Variants in SLC7A3 observed in about 807,000 individuals in gnomAD.
SLC7A3 encodes solute carrier family 7 member 3.
SLC7A3 carries 3 observed loss-of-function variants against 33.2 expected under a neutral mutation model. That is an observed-to-expected ratio of 0.09 (90% CI 0.04 to 0.23). The LOEUF is 0.23. Among genes scored for constraint, SLC7A3 ranks in the 10% least tolerant of loss-of-function variants. The pLI is 1.00. For synonymous variants in SLC7A3, 193 were observed against 195.1 expected, an observed-to-expected ratio of 0.99 and a Z score of 0.09; for missense variants, 360 against 488.8, an observed-to-expected ratio of 0.74 and a Z score of 2.48.
At position 70,926,718 on chromosome X, in the gene SLC7A3, T is replaced by A. The variant is rs749146450; in HGVS notation, c.1454-25A>T. The A allele has an allele frequency of 2.6e-6, 3 of 1,175,319 alleles. No individual in the cohort carries two copies. In the African/African-American group the frequency reaches 5.4e-5, roughly 21 times the overall value. ...GCTTCAAAGGTCAAGTTGAGAGACA[T>A]CAAAACCAACTCTTAAGACCAACAT... On this transcript the variant is annotated intron_variant, in intron 9 of 11. Transcript: ENST00000374299.
rs2091906878 is a variant in SLC7A3, at chrX:70,929,897, G to A, written c.101C>T (p.Thr34Ile). Residue 34 changes from threonine to isoleucine, a missense_variant, in exon 2 of 12, where the codon ACC (threonine) becomes ATC (isoleucine). Coordinates refer to ENST00000374299, the MANE Select transcript of SLC7A3 (RefSeq NM_032803.6). Reference sequence around the variant, plus strand: ...CACACCCAGGGCCACTAAATCCAGGGTGCTTAGGCATCTGGCAAGGCGAGT... The same window carrying A: ...CACACCCAGGGCCACTAAATCCAGGATGCTTAGGCATCTGGCAAGGCGAGT... ...AETRLARCLS[T>I]LDLVALGVGS... 8.3e-7 allele frequency: 1 copy of A among 1,210,381 alleles called. No homozygotes were observed. Among genetic ancestry groups the A allele is most frequent in the African/African-American group, 1.7e-5 (1 of 57,307 alleles).
intron 8 of SLC7A3, 84 bp downstream of exon 8, chrX:70,927,198 G>A (rs1014983950): frequency 1.5e-5 from 16 of 1,086,526 alleles, no homozygotes; most frequent in South Asian, 6.1e-5. Flanking sequence ...TAATGAAGGC[G>A]AAGGAGGAAA....
rs1181010498 is a variant in SLC7A3 at position 70,928,268 on chromosome X, A to G, written c.708-11T>C. 1 of 1,195,861 alleles carries G rather than the reference A, an allele frequency of 8.4e-7. No individual in the cohort carries two copies. Among genetic ancestry groups the G allele is most frequent in the Non-Finnish European group, 1.1e-6 (1 of 881,644 alleles). On this transcript the variant is annotated splice_polypyrimidine_tract_variant and intron_variant, in intron 4 of 11. Coordinates refer to ENST00000374299, the MANE Select transcript of SLC7A3 (RefSeq NM_032803.6). ...CCCAGAGGACCCAAGCTAGAGTGGAAGAAGGGTTGGAGAAGGTAAGGGTGT... is the reference window on the plus strand; with the variant it reads ...CCCAGAGGACCCAAGCTAGAGTGGAGGAAGGGTTGGAGAAGGTAAGGGTGT...
intron 1 of SLC7A3, among the ~76,000 whole-genome samples, chrX:70,930,248 G>C (rs1299326683): frequency 8.9e-6 from 1 of 111,962 alleles, no homozygotes; most frequent in Non-Finnish European, 1.9e-5. Context: ...TTCAGAAATG[G>C]CACGTGAAAG....
rs749805668 is a variant in SLC7A3 at position 70,929,992 on chromosome X, C to A, written c.6G>T (p.Pro2=). 33 of 1,194,879 alleles carry A rather than the reference C, an allele frequency of 2.8e-5. No homozygotes were observed. Among genetic ancestry groups the A allele is most frequent in the Non-Finnish European group, 3.7e-5 (33 of 885,273 alleles). M[P]WQAFRRFGQK... is the part of the protein sequence containing the mutation. ...GACCAAATCTGCGAAATGCTTGCCA[C>A]GGCATCCTAGCAGGAATTGAAGAAG... is the stretch of plus-strand genomic sequence containing the variant. Residue 2 remains proline, a synonymous_variant, in exon 2 of 12, where the codon CCG becomes CCT. Transcript: ENST00000374299.
rs1157573190 is a variant in SLC7A3, at chrX:70,926,123, A to G, written c.1676T>C (p.Met559Thr). ...CCAGGTACCAGCTGTCATCTGCATCATAAGGTAAATATTCACAAAGATGCT... is the reference window on the plus strand; with the variant it reads ...CCAGGTACCAGCTGTCATCTGCATCGTAAGGTAAATATTCACAAAGATGCT... ...LMSIFVNIYL[M>T]MQMTAGTWAR... The change falls in exon 11 of 12, where the codon ATG becomes ACG. Residue 559 changes from methionine to threonine, a missense_variant. Coordinates refer to ENST00000374299, the MANE Select transcript of SLC7A3 (RefSeq NM_032803.6). 1 of 1,211,086 alleles carries G rather than the reference A, an allele frequency of 8.3e-7. No homozygotes were observed. The highest frequency in any genetic ancestry group is 1.8e-5 in the South Asian group (1 of 56,778).
chrX:70,925,984 T>G, intron 11 of SLC7A3, 41 bp from the exon 12 acceptor site: 1 of 1,209,533 alleles, frequency 8.3e-7, no homozygotes, highest in Non-Finnish European at 1.1e-6. Context: ...GTGTAAAGGC[T>G]TCATAGGTTT....
At position 70,927,609 on chromosome X, in the gene SLC7A3, A is replaced by G; in HGVS notation, c.1058T>C (p.Met353Thr). The change falls in exon 7 of 12, where the codon ATG becomes ACG. Residue 353 changes from methionine (M) to threonine (T), a missense_variant. Met to Thr is a moderately conservative substitution (Grantham distance 81). Transcript: ENST00000374299. ...GTAGATCACCCGAGGCATGGGGAAC[A>G]TGGAGCCCAGGAGGCTGGAGAGGAG... ...CALSTSLLGS[M>T]FPMPRVIYAM... 2.5e-6 allele frequency: 3 copies of G among 1,210,037 alleles called. No individual in the cohort carries two copies. The highest frequency in any genetic ancestry group is 3.4e-6 in the Non-Finnish European group (3 of 894,763).
chrX:70,929,720 C>T lies in SLC7A3; in HGVS notation c.278G>A (p.Arg93His), dbSNP rs368079498. 38 of 1,209,316 alleles carry T rather than the reference C, an allele frequency of 3.1e-5. 1 individual carries two copies. In the South Asian group the frequency reaches 5.5e-4, roughly 17 times the overall value. Residue 93 changes from arginine to histidine, a missense_variant, in exon 2 of 12, where the codon CGT becomes CAT. By Grantham distance (29) the Arg-to-His change is conservative. Transcript: ENST00000374299. ...GCTGTAGAGATATGCCGAACCAGAACGGGGAACCCGGGCACCAAACTCCGC... is the reference window on the plus strand; with the variant it reads ...GCTGTAGAGATATGCCGAACCAGAATGGGGAACCCGGGCACCAAACTCCGC... ...CYAEFGARVP[R>H]SGSAYLYSYV... is the part of the protein sequence containing the mutation.
chrX:70,929,249 C>A (rs1055337705), intron 2 of SLC7A3, among the ~76,000 whole-genome samples: 3 of 111,502 alleles, frequency 2.7e-5, no homozygotes, highest in Non-Finnish European at 5.6e-5. Flanking sequence ...AGCCACCCTG[C>A]GCGGCTAACT....
chrX:70,925,931 T>G lies in SLC7A3; in HGVS notation c.1742A>C (p.Tyr581Ser). The G allele has an allele frequency of 8.3e-7, 1 of 1,211,366 alleles. No individual in the cohort carries two copies. Among genetic ancestry groups the G allele is most frequent in the Non-Finnish European group, 1.1e-6 (1 of 895,417 alleles). The change falls in exon 12 of 12, where the codon TAC (tyrosine) becomes TCC (serine). Residue 581 changes from tyrosine (Y) to serine (S), a missense_variant. Tyr to Ser is a moderately radical substitution (Grantham distance 144). Transcript: ENST00000374299. Reference sequence around the variant, plus strand: ...GCTGTGCTGGATCCCATAGCCGAAGTAGATAGCAAAGCCTAGTGGGGAAAG... The same window carrying G: ...GCTGTGCTGGATCCCATAGCCGAAGGAGATAGCAAAGCCTAGTGGGGAAAG... ...GVWMLIGFAI[Y>S]FGYGIQHSLE...
chrX:70,929,615 C>A lies in SLC7A3; in HGVS notation c.370+13G>T. ...TGGCTGTGCAGTTCCCTCCCTCCCC[C>A]ACCATATCTCACCAATGACATAGGA... On this transcript the variant is annotated intron_variant, in intron 2 of 11. Coordinates refer to ENST00000374299, the MANE Select transcript of SLC7A3 (RefSeq NM_032803.6). 8.3e-7 allele frequency: 1 copy of A among 1,198,838 alleles called. No homozygotes were observed. The highest frequency in any genetic ancestry group is 1.1e-6 in the Non-Finnish European group (1 of 888,891).
chrX:70,926,585 A>G lies in SLC7A3; in HGVS notation c.1562T>C (p.Ile521Thr), dbSNP rs1346785186. Residue 521 changes from isoleucine to threonine, a missense_variant, in exon 10 of 12, where the codon ATT becomes ACT. Transcript: ENST00000374299. ...TCTCCAGATGACCACAATGATCCCA[A>G]TAATGAGCAGCAGGAGCAGCACAAC... ...AVVVLLLLLI[I>T]GIIVVIWRQP... 2 of 1,197,765 alleles carry G rather than the reference A, an allele frequency of 1.7e-6. No individual in the cohort carries two copies. Among genetic ancestry groups the G allele is most frequent in the African/African-American group, 1.8e-5 (1 of 56,821 alleles).
In SLC7A3 at chrX:70,926,986, C is replaced by T. The variant is rs1271709255; in HGVS notation, c.1342G>A (p.Ala448Thr). ...TGEEVELQEE[A>T]ITTESEKLTL... is the part of the protein sequence containing the mutation. ...AACTTCTCTGATTCAGTAGTTATTG[C>T]CTCCTCCTGCAACTCCACTTCTTCC... The change falls in exon 9 of 12, where the codon GCA becomes ACA. Residue 448 changes from alanine to threonine, a missense_variant. By Grantham distance (58) the Ala-to-Thr change is moderately conservative. Coordinates refer to ENST00000374299, the MANE Select transcript of SLC7A3 (RefSeq NM_032803.6). 1.7e-6 allele frequency: 2 copies of T among 1,211,038 alleles called. No homozygotes were observed. The highest frequency in any genetic ancestry group is 2.2e-6 in the Non-Finnish European group (2 of 895,264).
In SLC7A3 at chrX:70,925,730, C is replaced by A; in HGVS notation, c.*83G>T. On this transcript the variant is annotated 3_prime_UTR_variant, in exon 12 of 12. Transcript: ENST00000374299. ...GTATTAGTATCCACCACCACCATCACAGGGGAGGGCTAGCTGTCACTGGGG... is the reference window on the plus strand; with the variant it reads ...GTATTAGTATCCACCACCACCATCAAAGGGGAGGGCTAGCTGTCACTGGGG... 1.8e-6 allele frequency: 2 copies of A among 1,091,842 alleles called. No individual in the cohort carries two copies. The highest frequency in any genetic ancestry group is 2.5e-6 in the Non-Finnish European group (2 of 793,220). 90.0% of individuals were successfully genotyped at this position (1,091,842 alleles called of 1,213,427 possible). A position where few individuals can be genotyped will look rare whatever the true frequency, so the allele number is the denominator to read the frequency against.
At position 70,927,854 on chromosome X, in the gene SLC7A3, T is replaced by C. The variant is rs1490817350; in HGVS notation, c.987A>G (p.Gly329=). Residue 329 remains glycine, a synonymous_variant, in exon 6 of 12, where the codon GGA becomes GGG. Coordinates refer to ENST00000374299, the MANE Select transcript of SLC7A3 (RefSeq NM_032803.6). The part of the protein sequence containing the change: ...SPLPEAFLYI[G]WAPARYVVAV... ...CCACAACATAGCGGGCAGGAGCCCATCCAATGTAGAGAAATGCCTCAGGCA... is the reference window on the plus strand; with the variant it reads ...CCACAACATAGCGGGCAGGAGCCCACCCAATGTAGAGAAATGCCTCAGGCA... The C allele has an allele frequency of 8.4e-7, 1 of 1,196,853 alleles. No individual in the cohort carries two copies. The highest frequency in any genetic ancestry group is 2.3e-5 in the Admixed American group (1 of 43,409).
rs1027458958 is a variant in SLC7A3, at chrX:70,925,716, C to A, written c.*97G>T. 4.1e-6 allele frequency: 4 copies of A among 983,696 alleles called. No individual in the cohort carries two copies. The highest frequency in any genetic ancestry group is 3.8e-5 in the African/African-American group (2 of 52,689). 81.1% of individuals were successfully genotyped at this position (983,696 alleles called of 1,213,427 possible). A position where few individuals can be genotyped will look rare whatever the true frequency, so the allele number is the denominator to read the frequency against. On this transcript the variant is annotated 3_prime_UTR_variant, in exon 12 of 12. Transcript: ENST00000374299. Reference sequence around the variant, plus strand: ...CATCGTACAGAACTGTATTAGTATCCACCACCACCATCACAGGGGAGGGCT... The same window carrying A: ...CATCGTACAGAACTGTATTAGTATCAACCACCACCATCACAGGGGAGGGCT...
In SLC7A3 at chrX:70,926,700, AG is replaced by A; in HGVS notation, c.1454-8del. 1.7e-6 allele frequency: 2 copies of A among 1,183,367 alleles called. No homozygotes were observed. The highest frequency in any genetic ancestry group is 3.1e-5 in the East Asian group (1 of 32,267). On this transcript the variant is annotated splice_polypyrimidine_tract_variant and splice_region_variant and intron_variant, in intron 9 of 11. Transcript: ENST00000374299. ...AGAGCAGTCAGCAGGACAGCTTCAA[AG>A]GTCAAGTTGAGAGACATCAAAACCA...
At chrX:70,929,582 C>T (rs2091905967) in intron 2 of SLC7A3, 46 bp downstream of exon 2, 1 of 1,159,083 alleles carries the variant, frequency 8.6e-7, no homozygotes, top group African/African-American at 1.8e-5. Context: ...GACCAAAAAC[C>T]CCTTTGCTGG....
Sources: gnomAD v4.1 joint callset for allele counts (sites outside exome capture counted in the v4.1 genomes callset) on GRCh38, gnomAD v4.1.1 for gene constraint, MANE v1.5 for transcripts, NCBI Gene and HGNC (gene_info 2026-07-23, HGNC 2026-07-21) for gene names.